FSTL1: variants seen among roughly 807,000 people sequenced by gnomAD.
The protein encoded by FSTL1 is follistatin like 1, also known as follistatin-related protein 1.
Under a neutral mutation model 45.9 loss-of-function variants are expected in FSTL1, and 24 were observed. That is an observed-to-expected ratio of 0.52 (90% CI 0.38 to 0.74). The LOEUF (loss-of-function observed/expected upper bound fraction) is 0.74. Among genes scored for constraint, FSTL1 ranks in the 30% least tolerant of loss-of-function variants. FSTL1 has a pLI of 0.00. For missense variants in FSTL1, 340 were observed against 381.8 expected (o/e 0.89, Z 0.91); for synonymous variants, 120 against 137.6 (o/e 0.87, Z 0.89).
chr3:120,404,762 T>G, intron 7 of FSTL1, 91 bp downstream of exon 7: 1 of 748,216 alleles, frequency 1.3e-6, no homozygotes, highest in Admixed American at 1.9e-5. Context: ...CTCTCACTGG[T>G]GGCTCTTTTG....
intron 2 of FSTL1, among the ~76,000 whole-genome samples, chr3:120,443,407 T>C (rs1937667288): frequency 6.7e-6 from 1 of 149,880 alleles, no homozygotes; most frequent in African/African-American, 2.6e-5. Flanking sequence ...AATAGTAGCT[T>C]ATGTGCAAAC....
rs1195316887 is a variant in FSTL1 at position 120,450,584 on chromosome 3, C to T, written c.63+100G>A. 7.0e-6 allele frequency: 5 copies of T among 711,512 alleles called. No homozygotes were observed. In the Admixed American group the frequency reaches 1.5e-4, roughly 21 times the overall value. 44.1% of individuals were successfully genotyped at this position (711,512 alleles called of 1,614,324 possible). A position where few individuals can be genotyped will look rare whatever the true frequency, so the allele number is the denominator to read the frequency against. On this transcript the variant is annotated intron_variant, in intron 2 of 10. Coordinates refer to ENST00000295633, the MANE Select transcript of FSTL1 (RefSeq NM_007085.5). ...CCCCAAGGACCGAAACTCCCAGCGCCACCCCGGGAGAGCATCCCCAGGACG... is the reference window on the plus strand; with the variant it reads ...CCCCAAGGACCGAAACTCCCAGCGCTACCCCGGGAGAGCATCCCCAGGACG...
Position 120,392,391 on chromosome 3 carries a change from C to T in FSTL1, c.*4561G>A, listed in dbSNP as rs1455489148. 5 of 152,064 alleles carry T rather than the reference C, an allele frequency of 3.3e-5. No individual in the cohort carries two copies. Among genetic ancestry groups the T allele is most frequent in the African/African-American group, 9.7e-5 (4 of 41,392 alleles). The allele number at this position is 152,064 out of a possible 1,614,324, so 9.4% of individuals were successfully genotyped here. A position where few individuals can be genotyped will look rare whatever the true frequency, so the allele number is the denominator to read the frequency against. ...TTCCTCTATCAGAGGCCAAAAAGTT[C>T]GAAGGCACAATGTTTGCAAGAATGT... is the stretch of plus-strand genomic sequence containing the variant. On this transcript the variant is annotated 3_prime_UTR_variant, in exon 11 of 11. Coordinates refer to ENST00000295633, the MANE Select transcript of FSTL1 (RefSeq NM_007085.5).
chr3:120,450,012 T>A (rs1937847425), intron 2 of FSTL1, among the ~76,000 whole-genome samples: 1 of 133,856 alleles, frequency 7.5e-6, no homozygotes, highest in East Asian at 2.4e-4. Context: ...GGAAGGTCGT[T>A]AGAGTTGAAA....
intron 2 of FSTL1, among the ~76,000 whole-genome samples, chr3:120,427,918 T>C (rs571092292): frequency 3.9e-5 from 6 of 152,266 alleles, no homozygotes; most frequent in South Asian, 2.1e-4. Context: ...AGCTGCCTGA[T>C]ACCTTGGGGG....
chr3:120,394,853 G>C lies in FSTL1; in HGVS notation c.*2099C>G, dbSNP rs1286070190. On this transcript the variant is annotated 3_prime_UTR_variant, in exon 11 of 11. Coordinates refer to ENST00000295633, the MANE Select transcript of FSTL1 (RefSeq NM_007085.5). The stretch of plus-strand genomic sequence containing the variant: ...CAAGAGGAATGTGGATTTGCTCTTG[G>C]GAGTTCAATGTTGCAGGGTAGAGTA... The C allele has an allele frequency of 2.6e-5, 4 of 152,208 alleles. No individual in the cohort carries two copies. Among genetic ancestry groups the C allele is most frequent in the Admixed American group, 2.6e-4 (4 of 15,284 alleles). The allele number at this position is 152,208 out of a possible 1,614,324, so 9.4% of individuals were successfully genotyped here. A position where few individuals can be genotyped will look rare whatever the true frequency, so the allele number is the denominator to read the frequency against.
chr3:120,434,138 C>T (rs1937517491), intron 2 of FSTL1, among the ~76,000 whole-genome samples: 1 of 152,094 alleles, frequency 6.6e-6, no homozygotes, highest in Non-Finnish European at 1.5e-5. Context: ...ACAATGATGG[C>T]AGCTTGGCTA....
chr3:120,447,394 T>A (rs1417817771), intron 2 of FSTL1, among the ~76,000 whole-genome samples: 2 of 152,156 alleles, frequency 1.3e-5, no homozygotes, highest in Non-Finnish European at 2.9e-5. Flanking sequence ...CACATGTTAA[T>A]CTACACACAT....
At position 120,434,675 on chromosome 3, in the gene FSTL1, T is replaced by C. The variant is rs145919566; in HGVS notation, c.63+16009A>G. The stretch of plus-strand genomic sequence containing the variant: ...AAAAAACCATTTAACCCAGCACATA[T>C]ATGGACTTCACTCACTACACACTTT... On this transcript the variant is annotated intron_variant, in intron 2 of 10. Transcript: ENST00000295633. Among the ~76,000 whole-genome samples, 836 of 152,296 alleles carry C rather than the reference T, an allele frequency of 5.5e-3. 8 individuals are homozygous for C. The highest frequency in any genetic ancestry group is 0.018 in the African/African-American group (762 of 41,556).
intron 2 of FSTL1, among the ~76,000 whole-genome samples, chr3:120,442,422 C>T (rs977778609): frequency 1.3e-5 from 2 of 152,200 alleles, no homozygotes; most frequent in Non-Finnish European, 2.9e-5. Context: ...CTAAGTTGGA[C>T]TCTTTCATTG....
At chr3:120,407,703 G>T (rs1936974029) in intron 6 of FSTL1, among the ~76,000 whole-genome samples, 1 of 152,228 alleles carries the variant, frequency 6.6e-6, no homozygotes, top group East Asian at 1.9e-4. Context: ...CAGCATGTAA[G>T]ACTCTGATAA....
chr3:120,405,364 A>G (rs1463105140), intron 6 of FSTL1, among the ~76,000 whole-genome samples: 1 of 152,250 alleles, frequency 6.6e-6, no homozygotes, highest in Non-Finnish European at 1.5e-5. Context: ...TGTGAATCAG[A>G]ATCTCTGTAG....
intron 2 of FSTL1, among the ~76,000 whole-genome samples, chr3:120,427,217 C>CA (rs1937398118): frequency 6.6e-6 from 1 of 152,242 alleles, no homozygotes; most frequent in Non-Finnish European, 1.5e-5. Context: ...ACTCCATCCT[C>CA]AGTGACCTTT....
intron 2 of FSTL1, among the ~76,000 whole-genome samples, chr3:120,419,946 G>A (rs1404775227): frequency 6.6e-6 from 1 of 152,178 alleles, no homozygotes; most frequent in Non-Finnish European, 1.5e-5. Flanking sequence ...TTAGTCCCAT[G>A]TAACAGATGC....
At chr3:120,438,184 G>A (rs1937590802) in intron 2 of FSTL1, 1 of 152,350 alleles carries the variant, frequency 6.6e-6, no homozygotes, top group African/African-American at 2.4e-5. Flanking sequence ...ACAGAAGCGA[G>A]AAAAAGTTTT....
chr3:120,410,229 A>C (rs749600676), intron 5 of FSTL1: 8 of 166,310 alleles, frequency 4.8e-5, no homozygotes, highest in Non-Finnish European at 9.2e-5. Context: ...TGTCCACTGG[A>C]AATAACAGGG....
intron 5 of FSTL1, chr3:120,410,594 T>A (rs116216217): frequency 2.7e-6 from 1 of 373,304 alleles, no homozygotes; most frequent in African/African-American, 2.1e-5. Context: ...TTTCCAGTTA[T>A]CCCCTTTCAA....
At position 120,393,580 on chromosome 3, in the gene FSTL1, T is replaced by G. The variant is rs999798660; in HGVS notation, c.*3372A>C. 2.6e-5 allele frequency: 4 copies of G among 152,228 alleles called. No individual in the cohort carries two copies. The highest frequency in any genetic ancestry group is 9.6e-5 in the African/African-American group (4 of 41,464). The allele number at this position is 152,228 out of a possible 1,614,324, so 9.4% of individuals were successfully genotyped here. ...CATGTTTATTTGCCTTCTCACAGGC[T>G]ACTGCAGTCAGCCTCACTGGATGCC... On this transcript the variant is annotated 3_prime_UTR_variant, in exon 11 of 11. Coordinates refer to ENST00000295633, the MANE Select transcript of FSTL1 (RefSeq NM_007085.5).
In FSTL1 at chr3:120,405,028, A is replaced by G. The variant is rs916033728; in HGVS notation, c.463-57T>C. On this transcript the variant is annotated intron_variant, in intron 6 of 10. Transcript: ENST00000295633. ...TGTTTTGCAGAACCCCTGTTCCATCATTACTCCACTCAGCTGACCTGCCTC... is the reference window on the plus strand; with the variant it reads ...TGTTTTGCAGAACCCCTGTTCCATCGTTACTCCACTCAGCTGACCTGCCTC... 3 of 887,442 alleles carry G rather than the reference A, an allele frequency of 3.4e-6. No homozygotes were observed. The South Asian group carries it at 3.9e-5, about 12-fold the overall frequency. The allele number at this position is 887,442 out of a possible 1,614,324, so 55.0% of individuals were successfully genotyped here.
Sources: gnomAD v4.1 joint callset for allele counts (sites outside exome capture counted in the v4.1 genomes callset) on GRCh38, gnomAD v4.1.1 for gene constraint, MANE v1.5 for transcripts, NCBI Gene and HGNC (gene_info 2026-07-23, HGNC 2026-07-21) for gene names.